WDR7: variants seen among roughly 807,000 people sequenced by gnomAD.
The protein encoded by WDR7 is WD repeat domain 7, also known as WD repeat-containing protein 7.
WDR7 carries 46 observed loss-of-function variants against 169.4 expected under a neutral mutation model. The observed-to-expected ratio is 0.27, with a 90% confidence interval of 0.21 to 0.35. WDR7 has a LOEUF of 0.35. Ranked by LOEUF, WDR7 falls within the 10% of genes least tolerant of loss-of-function variation. The probability of loss-of-function intolerance (pLI) is 1.00; values close to 1 mark genes in which losing one functional copy is unlikely to be tolerated. For synonymous variants in WDR7, 612 were observed against 666.8 expected (o/e 0.92, Z 1.27); for missense variants, 1,534 against 1,859.3 (o/e 0.83, Z 3.22).
At chr18:56,846,671 C>G (rs2045573165) in intron 20 of WDR7, among the ~76,000 whole-genome samples, 1 of 152,132 alleles carries the variant, frequency 6.6e-6, no homozygotes, top group Admixed American at 6.5e-5. Flanking sequence ...TCTGGTAGTT[C>G]ATGTGAGAGC....
At chr18:56,756,079 G>T (rs2043881784) in intron 14 of WDR7, among the ~76,000 whole-genome samples, 1 of 152,130 alleles carries the variant, frequency 6.6e-6, no homozygotes, top group African/African-American at 2.4e-5. Flanking sequence ...TTTTTTAAAG[G>T]ATCTAAGTAG....
In WDR7 at chr18:56,766,359, T is replaced by G. The variant is rs116718608; in HGVS notation, c.2848+7406T>G. 9.6e-3 allele frequency among the ~76,000 whole-genome samples: 1,465 copies of G among 152,234 alleles called. 30 individuals are homozygous for G. The highest frequency in any genetic ancestry group is 0.034 in the African/African-American group (1,408 of 41,542). On this transcript the variant is annotated intron_variant, in intron 16 of 27. Coordinates refer to ENST00000254442, the MANE Select transcript of WDR7 (RefSeq NM_015285.3). ...TCTGCCCTTTCCTCCCTCCTCTCTC[T>G]AAGGGACTGAAATTACATGTACGTT...
chr18:56,686,060 C>A, intron 6 of WDR7, 28 bp downstream of exon 6: 2 of 1,563,256 alleles, frequency 1.3e-6, no homozygotes, highest in Non-Finnish European at 1.7e-6. Flanking sequence ...GGGGTGATTT[C>A]TCTGTTTTTA....
intron 19 of WDR7, among the ~76,000 whole-genome samples, chr18:56,795,425 C>T (rs2044567265): frequency 6.6e-6 from 1 of 152,164 alleles, no homozygotes; most frequent in Non-Finnish European, 1.5e-5. Context: ...GATGCATGCA[C>T]ACTTTCATTT....
intron 20 of WDR7, among the ~76,000 whole-genome samples, chr18:56,850,023 C>T (rs1189375722): frequency 6.6e-6 from 1 of 152,086 alleles, no homozygotes; most frequent in Non-Finnish European, 1.5e-5. Context: ...ATGAATGTGG[C>T]CTTCATGAAT....
At chr18:56,663,143 C>A (rs535958700) in intron 1 of WDR7, among the ~76,000 whole-genome samples, 2 of 152,226 alleles carry the variant, frequency 1.3e-5, no homozygotes, top group Non-Finnish European at 2.9e-5. Context: ...CCAGCCCTAT[C>A]ACAGTAGTGT....
At chr18:56,717,723 T>G (rs1386549352) in intron 12 of WDR7, among the ~76,000 whole-genome samples, 1 of 152,192 alleles carries the variant, frequency 6.6e-6, no homozygotes, top group East Asian at 1.9e-4. Context: ...TGAACAGCAG[T>G]TTTTCCAGTG....
At chr18:56,809,811 A>G (rs1166855674) in intron 19 of WDR7, among the ~76,000 whole-genome samples, 2 of 151,306 alleles carry the variant, frequency 1.3e-5, no homozygotes, top group Non-Finnish European at 3.0e-5. Flanking sequence ...TTTTGGAAGT[A>G]TATATATATA....
chr18:56,826,913 A>G (rs886367988), intron 20 of WDR7, among the ~76,000 whole-genome samples: 2 of 152,248 alleles, frequency 1.3e-5, no homozygotes, highest in Non-Finnish European at 2.9e-5. Flanking sequence ...GATTTAATAA[A>G]GCAAGCCTCT....
At position 57,027,539 on chromosome 18, in the gene WDR7, A is replaced by C; in HGVS notation, c.*332A>C. ...AACAGAAGCACAAAAATCAATAAAC[A>C]CTGTGATTGCACTCCCAGCCCAGAT... On this transcript the variant is annotated 3_prime_UTR_variant, in exon 28 of 28. Transcript: ENST00000254442. The C allele has an allele frequency of 5.8e-6, 2 of 344,904 alleles. No individual in the cohort carries two copies. The highest frequency in any genetic ancestry group is 1.1e-5 in the Non-Finnish European group (2 of 185,628). The allele number at this position is 344,904 out of a possible 1,614,324, so 21.4% of individuals were successfully genotyped here.
At chr18:56,759,096 G>A (rs2043944011) in intron 16 of WDR7, 143 bp downstream of exon 16, 1 of 540,256 alleles carries the variant, frequency 1.9e-6, no homozygotes, top group Non-Finnish European at 3.1e-6. Flanking sequence ...TGTAAATATG[G>A]ATAATTAAGA....
At chr18:56,889,360 C>T (rs1359868822) in intron 21 of WDR7, among the ~76,000 whole-genome samples, 2 of 152,194 alleles carry the variant, frequency 1.3e-5, no homozygotes, top group Admixed American at 6.5e-5. Flanking sequence ...TTTTGTCCAA[C>T]ACTTAGCACA....
At chr18:56,819,224 A>G (rs2045038094) in intron 20 of WDR7, among the ~76,000 whole-genome samples, 2 of 152,202 alleles carry the variant, frequency 1.3e-5, no homozygotes, top group Admixed American at 1.3e-4. Flanking sequence ...ATTAAGCTGT[A>G]CAAGTGTTGG....
At chr18:56,896,903 C>T (rs371455769) in intron 21 of WDR7, among the ~76,000 whole-genome samples, 1 of 151,444 alleles carries the variant, frequency 6.6e-6, no homozygotes, top group Non-Finnish European at 1.5e-5. Flanking sequence ...CAAAGAGAAA[C>T]AAAAAGTGAT....
At chr18:56,850,260 T>A (rs1367410504) in intron 20 of WDR7, among the ~76,000 whole-genome samples, 1 of 152,244 alleles carries the variant, frequency 6.6e-6, no homozygotes, top group Non-Finnish European at 1.5e-5. Flanking sequence ...TTATTTTTTT[T>A]ATTTATTTGT....
chr18:57,022,702 A>G (rs1431555285), intron 27 of WDR7, among the ~76,000 whole-genome samples: 1 of 152,086 alleles, frequency 6.6e-6, no homozygotes, highest in Non-Finnish European at 1.5e-5. Context: ...ATATTTTTCT[A>G]TTTATATCAA....
At chr18:56,715,134 G>GT (rs2026164105) in intron 12 of WDR7, among the ~76,000 whole-genome samples, 1 of 152,172 alleles carries the variant, frequency 6.6e-6, no homozygotes, top group Admixed American at 6.5e-5. Flanking sequence ...GGAAGGTCAA[G>GT]TTTCTCATAA....
the WDR7 span, chr18:57,036,052 A>G: frequency 0.02 from 3,092 of 152,298 alleles, 40 homozygotes; most frequent in East Asian, 0.06. Flanking sequence ...GCCAAGGGGG[A>G]GGAGAGTTTA....
intron 9 of WDR7, among the ~76,000 whole-genome samples, chr18:56,693,098 C>T (rs774958770): frequency 1.3e-5 from 2 of 152,092 alleles, no homozygotes; most frequent in African/African-American, 4.8e-5. Flanking sequence ...TAAAGTCAAA[C>T]GATTGGTTAT....
Sources: gnomAD v4.1 joint callset for allele counts (sites outside exome capture counted in the v4.1 genomes callset) on GRCh38, gnomAD v4.1.1 for gene constraint, MANE v1.5 for transcripts, NCBI Gene and HGNC (gene_info 2026-07-23, HGNC 2026-07-21) for gene names.